Variants in EXOC6B observed in about 807,000 individuals in gnomAD.
EXOC6B encodes the protein exocyst complex component 6B, also known as SEC15 homolog B.
EXOC6B carries 54 observed loss-of-function variants against 113.5 expected under a neutral mutation model. The observed-to-expected ratio is 0.48, with a 90% CI of 0.38 to 0.60. The LOEUF (loss-of-function observed/expected upper bound fraction) is 0.60, where lower values mean the gene tolerates loss of function less well. Ranked by LOEUF, EXOC6B falls within the 20% of genes least tolerant of loss-of-function variation. The pLI is 0.00. For synonymous variants in EXOC6B, 357 were observed against 339.0 expected (o/e 1.05, Z -0.58); for missense variants, 797 against 977.5 (o/e 0.82, Z 2.46).
At chr2:72,320,868 AC>A (rs1687808660) in intron 20 of EXOC6B, among the ~76,000 whole-genome samples, 1 of 152,234 alleles carries the variant, frequency 6.6e-6, no homozygotes, top group African/African-American at 2.4e-5. Flanking sequence ...AAATATTTGA[AC>A]AAATACATTA....
At chr2:72,401,967 A>T (rs560964760) in intron 18 of EXOC6B, among the ~76,000 whole-genome samples, 31 of 151,832 alleles carry the variant, frequency 2.0e-4, no homozygotes, top group East Asian at 1.7e-3. Flanking sequence ...GATTTTTTTT[A>T]AAATCCTTCA....
At chr2:72,323,562 A>G (rs1687964185) in intron 20 of EXOC6B, among the ~76,000 whole-genome samples, 1 of 152,198 alleles carries the variant, frequency 6.6e-6, no homozygotes, top group Non-Finnish European at 1.5e-5. Flanking sequence ...ACTATTCACA[A>G]TAGCAAAGAC....
chr2:72,688,006 C>T (rs1395970025), intron 6 of EXOC6B, among the ~76,000 whole-genome samples: 2 of 152,006 alleles, frequency 1.3e-5, no homozygotes, highest in Non-Finnish European at 2.9e-5. Flanking sequence ...TTACCAGCCC[C>T]TCCAAAAAAA....
intron 19 of EXOC6B, among the ~76,000 whole-genome samples, chr2:72,338,361 G>A (rs891362901): frequency 7.2e-5 from 11 of 151,926 alleles, no homozygotes; most frequent in Non-Finnish European, 1.2e-4. Context: ...ATTCTCAGAG[G>A]GCTGGTAGCT....
At chr2:72,347,850 C>T (rs895725589) in intron 19 of EXOC6B, among the ~76,000 whole-genome samples, 8 of 151,706 alleles carry the variant, frequency 5.3e-5, no homozygotes, top group Non-Finnish European at 4.4e-5. Context: ...AAATGAAGTA[C>T]GTAAAGAATG....
At chr2:72,261,580 T>C (rs1375985182) in intron 20 of EXOC6B, among the ~76,000 whole-genome samples, 2 of 152,202 alleles carry the variant, frequency 1.3e-5, no homozygotes, top group South Asian at 2.1e-4. Context: ...AAAGGAAATA[T>C]AGCCTGTTCC....
chr2:72,458,504 T>C (rs150088194), intron 18 of EXOC6B, among the ~76,000 whole-genome samples: 36 of 152,154 alleles, frequency 2.4e-4, no homozygotes, highest in Admixed American at 1.8e-3. Context: ...AAGACAGAAA[T>C]ATGGCACCAA....
At chr2:72,755,747 G>A in intron 1 of EXOC6B, among the ~76,000 whole-genome samples, 1 of 152,152 alleles carries the variant, frequency 6.6e-6, no homozygotes, top group East Asian at 1.9e-4. Flanking sequence ...CTGGAAGCTA[G>A]GAGAAGGAAG....
intron 6 of EXOC6B, among the ~76,000 whole-genome samples, chr2:72,631,426 G>GTGTGTGTATATATATATATATA (rs1290760055): frequency 3.6e-5 from 1 of 28,164 alleles, no homozygotes; most frequent in African/African-American, 1.2e-4. Flanking sequence ...GTGTGTGTGT[G>GTGTGTGTATATATATATATATA]TATATATATA....
chr2:72,687,988 G>C (rs1677207923), intron 6 of EXOC6B, among the ~76,000 whole-genome samples: 1 of 151,870 alleles, frequency 6.6e-6, no homozygotes, highest in Non-Finnish European at 1.5e-5. Context: ...CTCATTGTTG[G>C]GGTAATTTTA....
At chr2:72,220,243 T>C (rs1024110209) in intron 20 of EXOC6B, among the ~76,000 whole-genome samples, 1 of 152,226 alleles carries the variant, frequency 6.6e-6, no homozygotes, top group African/African-American at 2.4e-5. Flanking sequence ...TTAAGGACTA[T>C]ACTCCATTCT....
intron 6 of EXOC6B, among the ~76,000 whole-genome samples, chr2:72,704,677 C>A (rs1269843020): frequency 1.3e-5 from 2 of 151,838 alleles, no homozygotes; most frequent in African/African-American, 4.8e-5. Context: ...ATACAAACTA[C>A]CATCAGGGAA....
At chr2:72,205,265 C>A (rs887166665) in intron 20 of EXOC6B, among the ~76,000 whole-genome samples, 1 of 151,980 alleles carries the variant, frequency 6.6e-6, no homozygotes, top group Non-Finnish European at 1.5e-5. Flanking sequence ...AAAGACTAGA[C>A]CGTGTTCTAA....
intron 18 of EXOC6B, among the ~76,000 whole-genome samples, chr2:72,420,276 T>C (rs544911402): frequency 4.6e-5 from 7 of 152,268 alleles, no homozygotes; most frequent in African/African-American, 1.4e-4. Context: ...CTGGGGTACA[T>C]GTGCAGAATG....
At position 72,566,359 on chromosome 2, in the gene EXOC6B, G is replaced by A. The variant is rs62150263; in HGVS notation, c.847-6838C>T. On this transcript the variant is annotated intron_variant, in intron 7 of 21. Coordinates refer to ENST00000272427, the MANE Select transcript of EXOC6B (RefSeq NM_015189.3). ...ATCTGTATTGTTTCATGCATCTGCCGTTTATTCCTTTTTATTTCAGAGTGG... is the reference window on the plus strand; with the variant it reads ...ATCTGTATTGTTTCATGCATCTGCCATTTATTCCTTTTTATTTCAGAGTGG... Among the ~76,000 whole-genome samples, 483 of 152,134 alleles carry A rather than the reference G, an allele frequency of 3.2e-3. 2 individuals are homozygous for A. The highest frequency in any genetic ancestry group is 5.1e-3 in the Non-Finnish European group (350 of 67,972).
chr2:72,641,184 G>C (rs1409226065), intron 6 of EXOC6B, among the ~76,000 whole-genome samples: 2 of 152,218 alleles, frequency 1.3e-5, no homozygotes, highest in Non-Finnish European at 2.9e-5. Context: ...TTCCAACTGA[G>C]GTACCTGGTT....
rs569825717 is a variant in EXOC6B at position 72,476,779 on chromosome 2, A to G, written c.1800+3837T>C. Among the ~76,000 whole-genome samples, 6 of 152,352 alleles carry G rather than the reference A, an allele frequency of 3.9e-5. No homozygotes were observed. In the Middle Eastern group the frequency reaches 0.01, roughly 259 times the overall value. On this transcript the variant is annotated intron_variant, in intron 17 of 21. Transcript: ENST00000272427. ...TCCAAATTATCTACTAATATAAAACAAAGTGCTTCTCAGGTTGGTATTTAT... is the reference window on the plus strand; with the variant it reads ...TCCAAATTATCTACTAATATAAAACGAAGTGCTTCTCAGGTTGGTATTTAT...
intron 18 of EXOC6B, among the ~76,000 whole-genome samples, chr2:72,417,116 A>G (rs142368913): frequency 3.6e-4 from 55 of 152,288 alleles, no homozygotes; most frequent in African/African-American, 1.3e-3. Context: ...GCTTATACTC[A>G]ATTATAATAA....
chr2:72,641,680 G>A (rs1673251048), intron 6 of EXOC6B, among the ~76,000 whole-genome samples: 1 of 152,212 alleles, frequency 6.6e-6, no homozygotes, highest in African/African-American at 2.4e-5. Context: ...AGACTTAAAC[G>A]TCCCTCTCTG....
Sources: allele counts gnomAD v4.1 joint callset (sites outside exome capture counted in the v4.1 genomes callset), GRCh38; gene constraint gnomAD v4.1.1; transcripts MANE v1.5; gene names NCBI Gene and HGNC (gene_info 2026-07-23, HGNC 2026-07-21).